Variants in DSCAM observed in about 807,000 individuals in gnomAD.
The protein encoded by DSCAM is cell adhesion molecule DSCAM.
In DSCAM, 47 loss-of-function variants were observed where a neutral mutation model predicts 217.7. The observed-to-expected ratio is 0.22, with a 90% CI of 0.17 to 0.28. DSCAM has a LOEUF of 0.28. Ranked by LOEUF, DSCAM falls within the 10% of genes least tolerant of loss-of-function variation. The pLI, the probability that DSCAM is intolerant of heterozygous loss-of-function variation, is 1.00. For synonymous variants in DSCAM, 1,056 were observed against 1,015.3 expected, an observed-to-expected ratio of 1.04 and a Z score of -0.76; for missense variants, 2,080 against 2,618.3, an observed-to-expected ratio of 0.79 and a Z score of 4.49.
chr21:40,183,459 C>G (rs1463570322), intron 14 of DSCAM, among the ~76,000 whole-genome samples: 1 of 152,226 alleles, frequency 6.6e-6, no homozygotes, highest in Non-Finnish European at 1.5e-5. Flanking sequence ...TGCCACTGGG[C>G]ATGACCAGAG....
At chr21:40,393,681 T>A (rs1253570187) in intron 3 of DSCAM, among the ~76,000 whole-genome samples, 1 of 152,200 alleles carries the variant, frequency 6.6e-6, no homozygotes, top group Non-Finnish European at 1.5e-5. Flanking sequence ...TTTGCATATA[T>A]CCGTCTATGC....
intron 3 of DSCAM, among the ~76,000 whole-genome samples, chr21:40,437,001 T>C (rs2075589024): frequency 6.6e-6 from 1 of 152,182 alleles, no homozygotes; most frequent in East Asian, 1.9e-4. Flanking sequence ...TTTTGGGAAA[T>C]AGTGTGTTAC....
intron 3 of DSCAM, among the ~76,000 whole-genome samples, chr21:40,381,017 C>T (rs1347248706): frequency 6.0e-5 from 8 of 132,966 alleles, no homozygotes; most frequent in African/African-American, 2.0e-4. Flanking sequence ...GAGCCGAGAT[C>T]GTGCCACTGC....
chr21:40,784,260 C>T (rs951830379), intron 1 of DSCAM, among the ~76,000 whole-genome samples: 2 of 152,044 alleles, frequency 1.3e-5, no homozygotes, highest in Non-Finnish European at 2.9e-5. Context: ...CTATACTGTT[C>T]TCATGGTGGT....
intron 3 of DSCAM, among the ~76,000 whole-genome samples, chr21:40,632,499 C>T (rs1332388785): frequency 3.9e-5 from 6 of 152,066 alleles, no homozygotes; most frequent in East Asian, 1.9e-4. Flanking sequence ...CACTCAGTAA[C>T]GAGGTAAAAC....
intron 10 of DSCAM, among the ~76,000 whole-genome samples, chr21:40,287,585 G>C (rs73227008): frequency 2.0e-5 from 3 of 152,122 alleles, no homozygotes; most frequent in Admixed American, 6.5e-5. Flanking sequence ...CCTCCATCTT[G>C]CATGGAAACG....
chr21:40,035,804 TAACA>T (rs1417586878), intron 32 of DSCAM, among the ~76,000 whole-genome samples: 1 of 145,086 alleles, frequency 6.9e-6, no homozygotes, highest in Non-Finnish European at 1.5e-5. Flanking sequence ...ACAGAAATTA[TAACA>T]AACTATCTCT....
At chr21:40,498,753 A>C (rs2076146601) in intron 3 of DSCAM, among the ~76,000 whole-genome samples, 1 of 65,748 alleles carries the variant, frequency 1.5e-5, no homozygotes, top group Non-Finnish European at 2.6e-5. Flanking sequence ...ATATATATAT[A>C]TATGGGTGTA....
rs186872033 is a variant in DSCAM, at chr21:40,445,677, T to C, written c.509-76432A>G. ...GGCCTCTGAAAATCCAGTTAGGATT[T>C]AGAATTAAGGTTGGTTCTTTCCAGA... On this transcript the variant is annotated intron_variant, in intron 3 of 32. Coordinates refer to ENST00000400454, the MANE Select transcript of DSCAM (RefSeq NM_001389.5). 2.0e-5 allele frequency among the ~76,000 whole-genome samples: 3 copies of C among 152,312 alleles called. No homozygotes were observed. In the East Asian group the frequency reaches 5.8e-4, roughly 29 times the overall value.
intron 16 of DSCAM, among the ~76,000 whole-genome samples, chr21:40,158,445 C>T (rs2090503774): frequency 6.6e-6 from 1 of 152,096 alleles, no homozygotes; most frequent in Admixed American, 6.6e-5. Flanking sequence ...AGAAAAGAAA[C>T]AGTTGTCCAA....
intron 20 of DSCAM, among the ~76,000 whole-genome samples, chr21:40,105,527 T>C (rs1158941034): frequency 1.3e-5 from 2 of 152,198 alleles, no homozygotes; most frequent in African/African-American, 2.4e-5. Flanking sequence ...GCACTTCCTC[T>C]TGCTGCTGCC....
At chr21:40,511,915 C>T (rs1391205716) in intron 3 of DSCAM, among the ~76,000 whole-genome samples, 4 of 141,086 alleles carry the variant, frequency 2.8e-5, no homozygotes, top group Admixed American at 7.7e-5. Context: ...GGCGCGAATC[C>T]GGGAGCTGGA....
intron 15 of DSCAM, among the ~76,000 whole-genome samples, chr21:40,173,444 T>C (rs991325478): frequency 2.0e-5 from 3 of 152,192 alleles, no homozygotes; most frequent in Admixed American, 6.5e-5. Context: ...TAACTTTCTT[T>C]AGATTTAATT....
At chr21:40,490,934 C>T (rs1423548731) in intron 3 of DSCAM, among the ~76,000 whole-genome samples, 1 of 152,156 alleles carries the variant, frequency 6.6e-6, no homozygotes, top group Non-Finnish European at 1.5e-5. Flanking sequence ...GATTTAAGGT[C>T]ACTTTTTAAA....
At chr21:40,276,340 T>G (rs1036572070) in intron 10 of DSCAM, 70 bp from the exon 11 acceptor site, 109 of 1,429,162 alleles carry the variant, frequency 7.6e-5, no homozygotes, top group Non-Finnish European at 1.0e-4. Flanking sequence ...CGAGTTCAAG[T>G]ACACACAGAC....
rs199603643 is a variant in DSCAM at position 40,036,869 on chromosome 21, T to A, written c.5686+5502A>T. Among the ~76,000 whole-genome samples, 815 of 149,894 alleles carry A rather than the reference T, an allele frequency of 5.4e-3. 48 individuals are homozygous for A. Among genetic ancestry groups the A allele is most frequent in the African/African-American group, 0.018 (700 of 39,468 alleles). On this transcript the variant is annotated intron_variant, in intron 32 of 32. Coordinates refer to ENST00000400454, the MANE Select transcript of DSCAM (RefSeq NM_001389.5). Reference sequence around the variant, plus strand: ...ATGCAAGGCTGGTTCAATATACACATATCAATAAATGTAATCCAGCATATA... The same window carrying A: ...ATGCAAGGCTGGTTCAATATACACAAATCAATAAATGTAATCCAGCATATA...
intron 18 of DSCAM, 80 bp from the exon 19 acceptor site, chr21:40,134,089 G>A: frequency 6.7e-7 from 1 of 1,503,028 alleles, no homozygotes; most frequent in African/African-American, 1.4e-5. Context: ...CCCACTGACT[G>A]TCCCTGTGCC....
intron 4 of DSCAM, among the ~76,000 whole-genome samples, 194 bp from the exon 5 acceptor site, chr21:40,353,937 A>C (rs1390396251): frequency 6.6e-6 from 1 of 152,224 alleles, no homozygotes; most frequent in East Asian, 1.9e-4. Flanking sequence ...AATTTACAAA[A>C]GGTTGAACAC....
intron 3 of DSCAM, among the ~76,000 whole-genome samples, chr21:40,561,384 C>CT (rs998314315): frequency 2.6e-5 from 4 of 152,190 alleles, no homozygotes; most frequent in African/African-American, 9.7e-5. Flanking sequence ...TGTATGCTGA[C>CT]TACACGTCGT....
Sources: allele counts gnomAD v4.1 joint callset (sites outside exome capture counted in the v4.1 genomes callset), GRCh38; gene constraint gnomAD v4.1.1; transcripts MANE v1.5; gene names NCBI Gene and HGNC (gene_info 2026-07-23, HGNC 2026-07-21).